Variants in FXYD6 observed in about 807,000 individuals in gnomAD.
FXYD6 encodes the protein FXYD domain-containing ion transport regulator 6.
A neutral mutation model predicts 16.7 loss-of-function variants in FXYD6; 7 were observed. The ratio of observed to expected loss-of-function variants is 0.42; its 90% CI spans 0.24 to 0.79. FXYD6 has a LOEUF of 0.79. Ranked by LOEUF, FXYD6 falls within the 30% of genes least tolerant of loss-of-function variation. FXYD6 has a pLI of 0.28. For missense variants in FXYD6, 111 were observed against 116.2 expected (o/e 0.95, Z 0.21); for synonymous variants, 49 against 43.0 (o/e 1.14, Z -0.54).
In FXYD6 at chr11:117,870,029, C is replaced by T. The variant is rs996825286; in HGVS notation, c.-6+6563G>A. 6.6e-6 allele frequency among the ~76,000 whole-genome samples: 1 copy of T among 152,386 alleles called. No homozygotes were observed. Reference sequence around the variant, plus strand: ...GTCCGTGGGGCCCCAGCCCCCTTCCCAGGTCTTGCTGTCACCTCACCATCA... The same window carrying T: ...GTCCGTGGGGCCCCAGCCCCCTTCCTAGGTCTTGCTGTCACCTCACCATCA... On this transcript the variant is annotated intron_variant, in intron 1 of 7. Transcript: ENST00000526014. The surrounding 1 kb of genome is among the most constrained non-coding windows in gnomAD (Gnocchi z 4.2).
Position 117,838,069 on chromosome 11 carries a change from C to A in FXYD6, c.*230G>T. 1 of 669,496 alleles carries A rather than the reference C, an allele frequency of 1.5e-6. No homozygotes were observed. 41.5% of individuals were successfully genotyped at this position (669,496 alleles called of 1,614,324 possible). Reference sequence around the variant, plus strand: ...CACACACACACACACACACACACATCACGGGAGGTGGGCAGGACCGCAGGC... The same window carrying A: ...CACACACACACACACACACACACATAACGGGAGGTGGGCAGGACCGCAGGC... On this transcript the variant is annotated 3_prime_UTR_variant, in exon 8 of 8. Transcript: ENST00000526014.
chr11:117,867,408 T>A (rs1414864016), intron 1 of FXYD6, among the ~76,000 whole-genome samples: 1 of 152,198 alleles, frequency 6.6e-6, no homozygotes. Context: ...ATCTCTCTAA[T>A]TGGAACTTCC....
chr11:117,841,156 C>G lies in FXYD6; in HGVS notation c.201G>C (p.Gln67His). The change falls in exon 5 of 8, where the codon CAG becomes CAC. Residue 67 changes from glutamine to histidine, a missense_variant. Coordinates refer to ENST00000526014, the MANE Select transcript of FXYD6 (RefSeq NM_022003.4). ...TGCCACGGCATCCTTACCGGGGCTT[C>G]TGATTGAAACTGCACTTGCACCTGC... ...LSRRCKCSFN[Q>H]KPRAPGDEEA... The G allele has an allele frequency of 1.2e-6, 2 of 1,614,096 alleles. No homozygotes were observed. Among genetic ancestry groups the G allele is most frequent in the Non-Finnish European group, 1.7e-6 (2 of 1,180,014 alleles).
chr11:117,841,480 C>T (rs2056342135), intron 4 of FXYD6: 1 of 589,740 alleles, frequency 1.7e-6, no homozygotes, highest in Non-Finnish European at 3.0e-6. Flanking sequence ...ATCCCTCGCA[C>T]ACTAGGGCAG....
rs546868350 is a variant in FXYD6, at chr11:117,856,004, C to A, written c.-5-13223G>T. On this transcript the variant is annotated intron_variant, in intron 1 of 7. Transcript: ENST00000526014. ...TCTGTTTCCGCTCATTTTTCCTCTC[C>A]TTTCTGTGCTCTTGTTTATCTCCAT... Among the ~76,000 whole-genome samples the A allele has an allele frequency of 3.3e-5, 5 of 152,264 alleles. 1 individual carries two copies. Among genetic ancestry groups the A allele is most frequent in the African/African-American group, 1.2e-4 (5 of 41,554 alleles).
At chr11:117,847,576 A>C (rs569443718) in intron 1 of FXYD6, among the ~76,000 whole-genome samples, 30 of 130,216 alleles carry the variant, frequency 2.3e-4, no homozygotes, top group African/African-American at 7.4e-4. Context: ...ATGTGTTCTC[A>C]TTGTTCAATT....
At chr11:117,867,881 G>T (rs1270495543) in intron 1 of FXYD6, among the ~76,000 whole-genome samples, 1 of 152,126 alleles carries the variant, frequency 6.6e-6, no homozygotes, top group Non-Finnish European at 1.5e-5. Flanking sequence ...AAGATGCCTG[G>T]AAATCAACTC....
intron 1 of FXYD6, among the ~76,000 whole-genome samples, chr11:117,865,909 A>G (rs1261909497): frequency 1.4e-5 from 2 of 141,378 alleles, no homozygotes; most frequent in South Asian, 4.6e-4. Context: ...GCGACAGAAC[A>G]AGATTCCATC....
chr11:117,873,303 G>A (rs2057179637), intron 1 of FXYD6, among the ~76,000 whole-genome samples: 1 of 152,222 alleles, frequency 6.6e-6, no homozygotes, highest in Non-Finnish European at 1.5e-5. Flanking sequence ...TCTCTTTCAA[G>A]ATTGTATAAT....
At chr11:117,838,422 C>G (rs2056250168) in intron 7 of FXYD6, 145 bp from the exon 8 acceptor site, 1 of 663,884 alleles carries the variant, frequency 1.5e-6, no homozygotes, top group Admixed American at 2.1e-5. Flanking sequence ...GACAAAGACA[C>G]AGGGGAGGGG....
chr11:117,869,667 G>GA (rs374611572), intron 1 of FXYD6, among the ~76,000 whole-genome samples: 1 of 125,562 alleles, frequency 8.0e-6, no homozygotes, highest in African/African-American at 3.0e-5. Context: ...TTGGACAGAG[G>GA]AAAAAGAAGA....
intron 1 of FXYD6, among the ~76,000 whole-genome samples, chr11:117,858,723 C>CCTTCCTT (rs1275829263): frequency 9.7e-5 from 4 of 41,224 alleles, no homozygotes; most frequent in South Asian, 1.1e-3. Context: ...CTCCTTCCTT[C>CCTTCCTT]CCTTCCTTCC....
intron 1 of FXYD6, among the ~76,000 whole-genome samples, chr11:117,865,195 A>T (rs1236294269): frequency 1.3e-5 from 2 of 152,076 alleles, no homozygotes; most frequent in African/African-American, 4.8e-5. Flanking sequence ...TAGCTGCTAT[A>T]AAAAAAAGAA....
At chr11:117,863,903 A>T (rs2056960936) in intron 1 of FXYD6, among the ~76,000 whole-genome samples, 1 of 152,198 alleles carries the variant, frequency 6.6e-6, no homozygotes, top group Non-Finnish European at 1.5e-5. Context: ...AACCAAGAAG[A>T]TGAGAAACTC....
rs554728017 is a variant in FXYD6, at chr11:117,842,780, G to T, written c.-4C>A. The T allele has an allele frequency of 7.0e-6, 11 of 1,562,336 alleles. No homozygotes were observed. Among genetic ancestry groups the T allele is most frequent in the Admixed American group, 1.9e-5 (1 of 52,394 alleles). On this transcript the variant is annotated splice_region_variant and 5_prime_UTR_variant, in exon 2 of 8. Transcript: ENST00000526014. ...GGAAGACCAGCACCAACTCCATGGC[G>T]TCTGGGGACAGAGGGAGGAAAAAAT...
chr11:117,858,559 G>A (rs10892186), intron 1 of FXYD6, among the ~76,000 whole-genome samples: 28,202 of 151,784 alleles, frequency 0.19, 3,519 homozygotes, highest in Admixed American at 0.31. Flanking sequence ...CAAGCCACAG[G>A]GACCCAGAGT....
At chr11:117,853,454 C>T (rs2056651661) in intron 1 of FXYD6, among the ~76,000 whole-genome samples, 1 of 152,166 alleles carries the variant, frequency 6.6e-6, no homozygotes, top group Non-Finnish European at 1.5e-5. Context: ...GTAACTATGG[C>T]TTAAGTTCTG....
intron 1 of FXYD6, among the ~76,000 whole-genome samples, chr11:117,856,741 G>A (rs909164006): frequency 2.0e-5 from 3 of 152,222 alleles, no homozygotes; most frequent in African/African-American, 7.2e-5. Flanking sequence ...AAGATGTGAG[G>A]TCTACCAGAT....
rs78419359 is a variant in FXYD6, at chr11:117,871,819, G to A, written c.-6+4773C>T. On this transcript the variant is annotated intron_variant, in intron 1 of 7. Transcript: ENST00000526014. ...GGTAAGGAAACTGAGGTTTAGCAAA[G>A]TGAAGAAATCCAGGAAGCATCAGAA... 1.8e-4 allele frequency among the ~76,000 whole-genome samples: 27 copies of A among 152,300 alleles called. No homozygotes were observed. In the East Asian group the frequency reaches 5.2e-3, roughly 29 times the overall value.
Sources: gnomAD v4.1 joint callset for allele counts (sites outside exome capture counted in the v4.1 genomes callset) on GRCh38, gnomAD v4.1.1 for gene constraint, Gnocchi (gnomAD v3.1) non-coding constraint, MANE v1.5 for transcripts, NCBI Gene and HGNC (gene_info 2026-07-23, HGNC 2026-07-21) for gene names.